Variants in TENM4 observed in about 807,000 individuals in gnomAD.
TENM4 encodes teneurin-4.
TENM4 carries 82 observed loss-of-function variants against 243.3 expected under a neutral mutation model. The ratio of observed to expected loss-of-function variants is 0.34; its 90% CI spans 0.28 to 0.40. TENM4 has a LOEUF of 0.40. Ranked by LOEUF, TENM4 falls within the 10% of genes least tolerant of loss-of-function variation. The pLI is 1.00. For missense variants in TENM4, 3,138 were observed against 3,673.3 expected (o/e 0.85, Z 3.77); for synonymous variants, 1,412 against 1,456.3 (o/e 0.97, Z 0.69).
chr11:78,804,854 C>T (rs1235987970), intron 15 of TENM4, among the ~76,000 whole-genome samples: 3 of 152,162 alleles, frequency 2.0e-5, no homozygotes, highest in African/African-American at 7.2e-5. Flanking sequence ...ACCCTAAACA[C>T]TACACTGAGT....
intron 27 of TENM4, among the ~76,000 whole-genome samples, chr11:78,706,635 G>C (rs1028763052): frequency 6.6e-6 from 1 of 152,190 alleles, no homozygotes; most frequent in African/African-American, 2.4e-5. Flanking sequence ...ATCTAAGTGT[G>C]GGTTTTAGCA....
chr11:79,327,020 A>G (rs1335556413), intron 1 of TENM4, among the ~76,000 whole-genome samples: 1 of 152,250 alleles, frequency 6.6e-6, no homozygotes, highest in Non-Finnish European at 1.5e-5. Flanking sequence ...CTGGCTGCAG[A>G]AAGAGCTCAA....
intron 6 of TENM4, among the ~76,000 whole-genome samples, chr11:78,949,071 A>G (rs1379037312): frequency 6.6e-6 from 1 of 152,130 alleles, no homozygotes. Flanking sequence ...TTAGTAAGTA[A>G]TTTGTGACAC....
intron 6 of TENM4, among the ~76,000 whole-genome samples, chr11:79,001,556 C>A (rs567068304): frequency 1.3e-5 from 2 of 152,158 alleles, no homozygotes; most frequent in Non-Finnish European, 2.9e-5. Context: ...CTCCAGCCTG[C>A]GCAGAGCCCA....
chr11:78,882,087 G>A (rs1236010897), intron 9 of TENM4, among the ~76,000 whole-genome samples: 1 of 152,104 alleles, frequency 6.6e-6, no homozygotes, highest in Non-Finnish European at 1.5e-5. Context: ...TATGGCTCCT[G>A]TCCAAAAGGC....
chr11:79,109,302 C>T lies in TENM4; in HGVS notation c.-65-39293G>A, dbSNP rs79500859. Among the ~76,000 whole-genome samples the T allele has an allele frequency of 6.7e-3, 1,026 of 152,186 alleles. 10 individuals are homozygous for T. The highest frequency in any genetic ancestry group is 0.022 in the African/African-American group (927 of 41,492). On this transcript the variant is annotated intron_variant, in intron 4 of 33. Coordinates refer to ENST00000278550, the MANE Select transcript of TENM4 (RefSeq NM_001098816.3). ...CCAAGTACAAGCACTCGTGAAGCAC[C>T]CTTGGAGGGCTTGGTGTGACAAGGC... is the stretch of plus-strand genomic sequence containing the variant.
intron 28 of TENM4, among the ~76,000 whole-genome samples, chr11:78,700,502 A>T (rs1355083076): frequency 6.6e-6 from 1 of 152,222 alleles, no homozygotes; most frequent in African/African-American, 2.4e-5. Flanking sequence ...TCTAATGGTG[A>T]CATATTCAGC....
chr11:79,391,681 A>G (rs1858236100), intron 1 of TENM4, among the ~76,000 whole-genome samples: 2 of 152,234 alleles, frequency 1.3e-5, no homozygotes, highest in African/African-American at 4.8e-5. Context: ...CTTAGTGTGT[A>G]CAATCATACA....
intron 28 of TENM4, among the ~76,000 whole-genome samples, chr11:78,688,570 C>G (rs763298444): frequency 7.2e-5 from 11 of 152,262 alleles, no homozygotes; most frequent in Non-Finnish European, 1.3e-4. Context: ...AATGAGACAG[C>G]TGACCCAGAA....
At chr11:79,311,186 A>G (rs1856715912) in intron 1 of TENM4, among the ~76,000 whole-genome samples, 1 of 152,232 alleles carries the variant, frequency 6.6e-6, no homozygotes, top group African/African-American at 2.4e-5. Flanking sequence ...AAAATCCTGC[A>G]TCCAACAATA....
intron 22 of TENM4, among the ~76,000 whole-genome samples, chr11:78,727,155 A>G (rs1027958726): frequency 6.6e-6 from 1 of 152,184 alleles, no homozygotes; most frequent in Non-Finnish European, 1.5e-5. Flanking sequence ...ATTTGCATTA[A>G]AAGAAATTAC....
At chr11:78,769,619 A>T (rs1856608139) in intron 18 of TENM4, among the ~76,000 whole-genome samples, 1 of 152,162 alleles carries the variant, frequency 6.6e-6, no homozygotes, top group Non-Finnish European at 1.5e-5. Context: ...CAAGTTTTAG[A>T]TCGATTAAGG....
At chr11:79,079,789 G>A (rs974767782) in intron 4 of TENM4, among the ~76,000 whole-genome samples, 25 of 146,854 alleles carry the variant, frequency 1.7e-4, no homozygotes, top group Admixed American at 1.1e-3. Flanking sequence ...CTGACATCGA[G>A]CCGCTGCACT....
chr11:79,366,623 C>T (rs150708944), intron 1 of TENM4, among the ~76,000 whole-genome samples: 73 of 152,300 alleles, frequency 4.8e-4, no homozygotes, highest in African/African-American at 1.7e-3. Flanking sequence ...TCTCTTTGGG[C>T]ACTAACATTA....
chr11:79,284,283 A>G (rs547437493), intron 2 of TENM4, among the ~76,000 whole-genome samples: 1 of 152,198 alleles, frequency 6.6e-6, no homozygotes, highest in Non-Finnish European at 1.5e-5. Context: ...CGTTGGAGGA[A>G]CCCCACATCT....
chr11:79,387,287 C>T (rs1432219816), intron 1 of TENM4, among the ~76,000 whole-genome samples: 2 of 152,250 alleles, frequency 1.3e-5, no homozygotes, highest in East Asian at 3.9e-4. Flanking sequence ...GGATCACATT[C>T]TATTTCATGT....
chr11:79,243,361 C>T (rs560440790), intron 2 of TENM4, among the ~76,000 whole-genome samples: 6 of 152,222 alleles, frequency 3.9e-5, no homozygotes, highest in Admixed American at 1.3e-4. Flanking sequence ...TTTTGCGGTC[C>T]ATTTTGAATG....
intron 3 of TENM4, among the ~76,000 whole-genome samples, chr11:79,192,092 G>A (rs1424129119): frequency 8.5e-6 from 1 of 118,252 alleles, no homozygotes; most frequent in African/African-American, 4.4e-5. Flanking sequence ...GGAGGGAGGT[G>A]GGGGGGGGTC....
At chr11:78,750,963 T>C (rs1158832826) in intron 19 of TENM4, among the ~76,000 whole-genome samples, 1 of 152,110 alleles carries the variant, frequency 6.6e-6, no homozygotes, top group Non-Finnish European at 1.5e-5. Context: ...CTCTGCAACC[T>C]CTGCCTCCTG....
Sources: allele counts gnomAD v4.1 joint callset (sites outside exome capture counted in the v4.1 genomes callset), GRCh38; gene constraint gnomAD v4.1.1; transcripts MANE v1.5; gene names NCBI Gene and HGNC (gene_info 2026-07-23, HGNC 2026-07-21).